The following ZHX2 variants were observed in gnomAD, a reference collection of about 807,000 sequenced individuals.
The protein encoded by ZHX2 is zinc fingers and homeoboxes protein 2.
A neutral mutation model predicts 21.9 loss-of-function variants in ZHX2; 6 were observed. The observed-to-expected ratio is 0.27, with a 90% CI of 0.15 to 0.54. The LOEUF is 0.54. ZHX2 is among the 20% of genes least tolerant of loss of function. The pLI is 0.95. For missense variants in ZHX2, 908 were observed against 1,090.7 expected, an observed-to-expected ratio of 0.83 and a Z score of 2.36; for synonymous variants, 434 against 437.1, an observed-to-expected ratio of 0.99 and a Z score of 0.09.
chr8:122,802,335 T>C (rs1817736257), intron 1 of ZHX2, among the ~76,000 whole-genome samples: 1 of 152,134 alleles, frequency 6.6e-6, no homozygotes, highest in Non-Finnish European at 1.5e-5. Context: ...AGTGCGGGGG[T>C]TAGAGGCGTG....
In ZHX2 at chr8:122,972,849, AG is replaced by A. The variant is rs1264338657; in HGVS notation, c.*5-392del. 7.2e-5 allele frequency among the ~76,000 whole-genome samples: 11 copies of A among 152,304 alleles called. No homozygotes were observed. In the East Asian group the frequency reaches 2.1e-3, roughly 29 times the overall value. ...CAGCCCTGCAGCCACTAAGGGGAGA[AG>A]TTAGGACCCAAATCCAGATTTGTCT... On this transcript the variant is annotated intron_variant, in intron 3 of 3. Coordinates refer to ENST00000314393, the MANE Select transcript of ZHX2 (RefSeq NM_014943.5).
intron 1 of ZHX2, among the ~76,000 whole-genome samples, chr8:122,823,286 C>T (rs1818194392): frequency 6.6e-6 from 1 of 152,206 alleles, no homozygotes; most frequent in Non-Finnish European, 1.5e-5. Context: ...AGAAGGATTC[C>T]TGTTCTTATA....
At chr8:122,939,275 C>T (rs1338122658) in intron 2 of ZHX2, among the ~76,000 whole-genome samples, 3 of 152,194 alleles carry the variant, frequency 2.0e-5, no homozygotes, top group Non-Finnish European at 2.9e-5. Flanking sequence ...TCACCCGTGG[C>T]GTGGAACCAG....
At chr8:122,928,402 T>G (rs1264564885) in intron 2 of ZHX2, among the ~76,000 whole-genome samples, 1 of 152,140 alleles carries the variant, frequency 6.6e-6, no homozygotes, top group Non-Finnish European at 1.5e-5. Flanking sequence ...TCAAAGATCC[T>G]GTGGCTTAGG....
Position 122,953,449 on chromosome 8 carries a change from T to A in ZHX2, c.1939T>A (p.Phe647Ile). 2 of 1,614,162 alleles carry A rather than the reference T, an allele frequency of 1.2e-6. No individual in the cohort carries two copies. The highest frequency in any genetic ancestry group is 8.5e-7 in the Non-Finnish European group (1 of 1,180,042). ...ACAGGTTCATCTCCTGAGGAGCACGTTTGCAAGAACCCAGTGGCCTACTCC... is the reference window on the plus strand; with the variant it reads ...ACAGGTTCATCTCCTGAGGAGCACGATTGCAAGAACCCAGTGGCCTACTCC... ...QEQVHLLRST[F>I]ARTQWPTPQE... The change falls in exon 3 of 4, where the codon TTT (phenylalanine) becomes ATT (isoleucine). Residue 647 changes from phenylalanine (F) to isoleucine (I), a missense_variant. By Grantham distance (21) the Phe-to-Ile change is conservative (BLOSUM62 0). Around this residue, in one of 4 missense-constraint regions of ZHX2, gnomAD observed 431 missense variants for 428.6 expected, o/e 1.01. Transcript: ENST00000314393. This position sits in a 1 kb window ranked among gnomAD's most constrained non-coding sequence, Gnocchi z 4.6.
At chr8:122,852,996 G>C (rs1818938950) in intron 1 of ZHX2, among the ~76,000 whole-genome samples, 1 of 152,082 alleles carries the variant, frequency 6.6e-6, no homozygotes, top group African/African-American at 2.4e-5. Context: ...CCTGTGTGCA[G>C]AGCCAAGGAT....
At chr8:122,838,573 A>ATTTT (rs34833602) in intron 1 of ZHX2, among the ~76,000 whole-genome samples, 8 of 117,916 alleles carry the variant, frequency 6.8e-5, no homozygotes, top group Non-Finnish European at 1.0e-4. Flanking sequence ...TAGTAATGTG[A>ATTTT]TTTTTTTTTT....
At chr8:122,816,401 A>C (rs76706604) in intron 1 of ZHX2, 14,222 of 151,564 alleles carry the variant, frequency 0.094, 958 homozygotes, top group East Asian at 0.21. Context: ...AAGTCTCAAT[A>C]GCTCCAAAGT....
chr8:122,793,797 G>A (rs1817567946), intron 1 of ZHX2, among the ~76,000 whole-genome samples: 1 of 152,138 alleles, frequency 6.6e-6, no homozygotes, highest in Admixed American at 6.5e-5. Flanking sequence ...GCAGAAGCTT[G>A]GGGGGCCCTG....
At position 122,907,027 on chromosome 8, in the gene ZHX2, G is replaced by A. The variant is rs374229093; in HGVS notation, c.-220+43488G>A. On this transcript the variant is annotated intron_variant, in intron 2 of 3. Coordinates refer to ENST00000314393, the MANE Select transcript of ZHX2 (RefSeq NM_014943.5). ...GAAATTAAAAAATTTAAGTGGTTTCGACTTAAAGGTGACAGAGCAGAAAGG... is the reference window on the plus strand; with the variant it reads ...GAAATTAAAAAATTTAAGTGGTTTCAACTTAAAGGTGACAGAGCAGAAAGG... Among the ~76,000 whole-genome samples, 391 of 152,176 alleles carry A rather than the reference G, an allele frequency of 2.6e-3. 13 individuals are homozygous for A. In the South Asian group the frequency reaches 0.069, roughly 27 times the overall value.
At chr8:122,797,630 C>T (rs1381785442) in intron 1 of ZHX2, among the ~76,000 whole-genome samples, 8 of 152,172 alleles carry the variant, frequency 5.3e-5, no homozygotes, top group African/African-American at 1.4e-4. Context: ...TAGTCAGCGC[C>T]GTCTTTGACG....
chr8:122,784,274 T>C (rs1410817987), intron 1 of ZHX2, among the ~76,000 whole-genome samples: 3 of 152,264 alleles, frequency 2.0e-5, no homozygotes, highest in Non-Finnish European at 4.4e-5. Context: ...TGTTATGGTG[T>C]GTGAGGCACA....
At chr8:122,810,842 G>A (rs1817914051) in intron 1 of ZHX2, among the ~76,000 whole-genome samples, 1 of 151,918 alleles carries the variant, frequency 6.6e-6, no homozygotes. Context: ...TGCACATTGT[G>A]CAGGTTAGTT....
At chr8:122,846,541 C>T (rs1818754305) in intron 1 of ZHX2, among the ~76,000 whole-genome samples, 1 of 143,580 alleles carries the variant, frequency 7.0e-6, no homozygotes, top group Non-Finnish European at 1.5e-5. Flanking sequence ...ATGTTTCAGA[C>T]TTTGTGTATT....
At chr8:122,915,419 A>G (rs1820576977) in intron 2 of ZHX2, among the ~76,000 whole-genome samples, 1 of 152,168 alleles carries the variant, frequency 6.6e-6, no homozygotes, top group Admixed American at 6.5e-5. Flanking sequence ...TCACAACCCC[A>G]ATGGACAGTG....
chr8:122,783,745 A>G lies in ZHX2; in HGVS notation c.-283+1799A>G, dbSNP rs77609458. Among the ~76,000 whole-genome samples, 1,003 of 152,360 alleles carry G rather than the reference A, an allele frequency of 6.6e-3. 9 individuals carry two copies. The highest frequency in any genetic ancestry group is 0.022 in the African/African-American group (920 of 41,586). On this transcript the variant is annotated intron_variant, in intron 1 of 3. Coordinates refer to ENST00000314393, the MANE Select transcript of ZHX2 (RefSeq NM_014943.5). The stretch of plus-strand genomic sequence containing the variant: ...TAAAAATAGATTAATGGAGCTGTCA[A>G]GTGGTTGAATGGGACTACCATAAAG...
intron 1 of ZHX2, among the ~76,000 whole-genome samples, chr8:122,804,376 C>A (rs1170898980): frequency 6.6e-6 from 1 of 152,146 alleles, no homozygotes; most frequent in Non-Finnish European, 1.5e-5. Flanking sequence ...CCCAAAGTGC[C>A]CGGATTACAG....
chr8:122,805,813 C>T (rs953765942), intron 1 of ZHX2, among the ~76,000 whole-genome samples: 1 of 152,188 alleles, frequency 6.6e-6, no homozygotes, highest in African/African-American at 2.4e-5. Context: ...GTCATTACTC[C>T]TCCCTGTCCC....
At chr8:122,788,011 A>C (rs574824461) in intron 1 of ZHX2, among the ~76,000 whole-genome samples, 48 of 152,284 alleles carry the variant, frequency 3.2e-4, no homozygotes, top group African/African-American at 1.1e-3. Context: ...CTCATCCCCC[A>C]CAGCCTGGTT....
Sources: allele counts gnomAD v4.1 joint callset (sites outside exome capture counted in the v4.1 genomes callset), GRCh38; gene constraint gnomAD v4.1.1; regional missense constraint gnomAD v4.1.1; non-coding constraint Gnocchi (gnomAD v3.1); transcripts MANE v1.5; gene names NCBI Gene and HGNC (gene_info 2026-07-23, HGNC 2026-07-21).